The following INTS2 variants were observed in gnomAD, a reference collection of about 807,000 sequenced individuals.
INTS2 encodes integrator complex subunit 2, also known as KIAA1287.
In INTS2, 57 loss-of-function variants were observed where a neutral mutation model predicts 139.6. The ratio of observed to expected loss-of-function variants is 0.41; its 90% CI spans 0.33 to 0.51. The LOEUF is 0.51. INTS2 is among the 20% of genes least tolerant of loss of function. INTS2 has a pLI of 0.28. For missense variants in INTS2, 1,196 were observed against 1,436.7 expected (o/e 0.83, Z 2.71); for synonymous variants, 473 against 493.4 (o/e 0.96, Z 0.55).
At position 61,897,107 on chromosome 17, in the gene INTS2, T is replaced by C. The variant is rs919638097; in HGVS notation, c.1494+362A>G. 2.0e-5 allele frequency among the ~76,000 whole-genome samples: 3 copies of C among 152,164 alleles called. No individual in the cohort carries two copies. The highest frequency in any genetic ancestry group is 7.2e-5 in the African/African-American group (3 of 41,460). On this transcript the variant is annotated intron_variant, in intron 11 of 24. Coordinates refer to ENST00000251334, the MANE Select transcript of INTS2 (RefSeq NM_001351695.2). The surrounding 1 kb of genome is among the most constrained non-coding windows in gnomAD (Gnocchi z 4.4). ...AATGCAGTCATTAAAAATTATACTG[T>C]ATTATAATATTTATTGATATGAGTA...
At position 61,903,302 on chromosome 17, in the gene INTS2, C is replaced by T. The variant is rs565219465; in HGVS notation, c.1307+1158G>A. ...AACTCATAGCCTCAAGCAACCCTCC[C>T]GCCTCAGCCTCCTGAGTAGCTGGGA... On this transcript the variant is annotated intron_variant, in intron 9 of 24. Transcript: ENST00000251334. Among the ~76,000 whole-genome samples, 13 of 151,186 alleles carry T rather than the reference C, an allele frequency of 8.6e-5. No individual in the cohort carries two copies. The East Asian group carries it at 1.4e-3, about 16-fold the overall frequency.
In INTS2 at chr17:61,924,722, A is replaced by C. The variant is rs150126862; in HGVS notation, c.432+239T>G. On this transcript the variant is annotated intron_variant, in intron 3 of 24. Coordinates refer to ENST00000251334, the MANE Select transcript of INTS2 (RefSeq NM_001351695.2). ...CGGGCACCTGTAATCCCAGCTACTC[A>C]TGAAGCTGAGGCAGGAGAACCGTTT... Among the ~76,000 whole-genome samples, 1,178 of 152,178 alleles carry C rather than the reference A, an allele frequency of 7.7e-3. 24 individuals are homozygous for C. The highest frequency in any genetic ancestry group is 6.8e-3 in the Non-Finnish European group (464 of 67,984).
chr17:61,919,249 G>A, intron 5 of INTS2, 151 bp downstream of exon 5: 1 of 523,470 alleles, frequency 1.9e-6, no homozygotes, highest in Non-Finnish European at 3.5e-6. Context: ...TACAATTTGT[G>A]AACTCAATAT....
At chr17:61,916,300 A>G (rs867515157) in intron 5 of INTS2, among the ~76,000 whole-genome samples, 85 of 151,652 alleles carry the variant, frequency 5.6e-4, no homozygotes, top group African/African-American at 2.0e-3. Flanking sequence ...CAGGCATGGT[A>G]GTGGGTGCCT....
chr17:61,921,915 TTA>T (rs1319230881), intron 3 of INTS2, 88 bp from the exon 4 acceptor site: 2 of 690,996 alleles, frequency 2.9e-6, no homozygotes, highest in African/African-American at 1.8e-5. Context: ...AGCTCACAGA[TTA>T]TGTCTCTTAA....
chr17:61,903,016 T>C (rs2079423615), intron 9 of INTS2, among the ~76,000 whole-genome samples: 1 of 150,502 alleles, frequency 6.6e-6, no homozygotes, highest in African/African-American at 2.4e-5. Flanking sequence ...AATACAAAAA[T>C]TAGCCGGGCG....
Position 61,875,597 on chromosome 17 carries a change from T to C in INTS2, c.2457-559A>G, listed in dbSNP as rs959748569. On this transcript the variant is annotated intron_variant, in intron 18 of 24. Transcript: ENST00000251334. This position sits in a 1 kb window ranked among gnomAD's most constrained non-coding sequence, Gnocchi z 4.6. ...AGGGTTATGCAAATACAGAAGGTAC[T>C]TGATCTTACAGTGAAGCCCAGGAAT... Among the ~76,000 whole-genome samples, 3 of 152,168 alleles carry C rather than the reference T, an allele frequency of 2.0e-5. No individual in the cohort carries two copies. The highest frequency in any genetic ancestry group is 7.2e-5 in the African/African-American group (3 of 41,446).
chr17:61,925,297 T>C (rs192840218), intron 2 of INTS2, among the ~76,000 whole-genome samples, 198 bp from the exon 3 acceptor site: 15 of 152,172 alleles, frequency 9.9e-5, no homozygotes, highest in African/African-American at 2.4e-4. Flanking sequence ...CTCCACCACA[T>C]AGGCCAGGCA....
At chr17:61,889,356 GGATT>G (rs2079266298) in intron 15 of INTS2, among the ~76,000 whole-genome samples, 1 of 152,176 alleles carries the variant, frequency 6.6e-6, no homozygotes, top group Admixed American at 6.5e-5. Flanking sequence ...CGAAGTGCTA[GGATT>G]ACAGGCGTAA....
chr17:61,909,830 T>TAC lies in INTS2; in HGVS notation c.954+1689_954+1690insGT, dbSNP rs781421903. Among the ~76,000 whole-genome samples the TAC allele has an allele frequency of 0.032, 2,512 of 77,970 alleles. 42 individuals are homozygous for TAC. Among genetic ancestry groups the TAC allele is most frequent in the Non-Finnish European group, 0.038 (1,499 of 39,846 alleles). 51.2% of individuals were successfully genotyped at this position (77,970 alleles called of 152,430 possible). ...GTGTGTGTACATGTGTGTATGTGTGTGTGTGTGTGTGTGTGTGTGTGTGTG... is the reference window on the plus strand; with the variant it reads ...GTGTGTGTACATGTGTGTATGTGTGTACGTGTGTGTGTGTGTGTGTGTGTGTG... On this transcript the variant is annotated intron_variant, in intron 7 of 24. Coordinates refer to ENST00000251334, the MANE Select transcript of INTS2 (RefSeq NM_001351695.2). This position sits in a 1 kb window ranked among gnomAD's most constrained non-coding sequence, Gnocchi z 4.9.
intron 11 of INTS2, among the ~76,000 whole-genome samples, chr17:61,896,944 T>C (rs2079355611): frequency 6.6e-6 from 1 of 152,130 alleles, no homozygotes; most frequent in Non-Finnish European, 1.5e-5. Flanking sequence ...AACAGGTGTA[T>C]GAAGAGATAC....
chr17:61,914,793 G>A (rs1310105389), intron 5 of INTS2, among the ~76,000 whole-genome samples: 4 of 151,032 alleles, frequency 2.6e-5, no homozygotes, highest in Non-Finnish European at 4.4e-5. Flanking sequence ...AGGATCACTC[G>A]AGCCTGGGAG....
chr17:61,904,948 T>C, intron 8 of INTS2, among the ~76,000 whole-genome samples: 1 of 66,162 alleles, frequency 1.5e-5, no homozygotes, highest in African/African-American at 6.4e-5. Flanking sequence ...AATGCATAAT[T>C]TTTTTTTTTT....
At position 61,926,342 on chromosome 17, in the gene INTS2, A is replaced by T; in HGVS notation, c.293+10T>A. 1.3e-6 allele frequency: 2 copies of T among 1,571,902 alleles called. No individual in the cohort carries two copies. The highest frequency in any genetic ancestry group is 1.7e-6 in the Non-Finnish European group (2 of 1,154,894). ...AATCCAAATCCACATATAATATAAC[A>T]TAACATTACCTAAGCTGCTGTTCTT... On this transcript the variant is annotated intron_variant, in intron 2 of 24. Transcript: ENST00000251334.
chr17:61,896,827 C>A (rs2079354786), intron 11 of INTS2, among the ~76,000 whole-genome samples: 1 of 152,268 alleles, frequency 6.6e-6, no homozygotes, highest in African/African-American at 2.4e-5. Flanking sequence ...TAAACTGATA[C>A]AATCTTTCGA....
Position 61,869,964 on chromosome 17 carries a change from A to G in INTS2, c.2803T>C (p.Leu935=). The change falls in exon 21 of 25, where the codon TTA becomes CTA. Residue 935 remains leucine (L), a synonymous_variant. Coordinates refer to ENST00000251334, the MANE Select transcript of INTS2 (RefSeq NM_001351695.2). This position sits in a 1 kb window ranked among gnomAD's most constrained non-coding sequence, Gnocchi z 5.4. ...TCTTCAGTAGGTAGGCAAATCTCTA[A>G]GAGAATCTGGACAGCTGCACTATCC... The part of the protein sequence containing the change: ...AQDSAAVQIL[L]EICLPTEEEK... 6.2e-7 allele frequency: 1 copy of G among 1,613,680 alleles called. No homozygotes were observed. Among genetic ancestry groups the G allele is most frequent in the Middle Eastern group, 1.7e-4 (1 of 5,998 alleles).
chr17:61,907,731 T>C lies in INTS2; in HGVS notation c.955-97A>G, dbSNP rs374835835. ...AGCACCCCACTTAAACACTTTCAAA[T>C]TGGCCTATTTGAAGAGATTGTCGTG... On this transcript the variant is annotated intron_variant, in intron 7 of 24. Coordinates refer to ENST00000251334, the MANE Select transcript of INTS2 (RefSeq NM_001351695.2). The C allele has an allele frequency of 1.5e-5, 14 of 917,192 alleles. No homozygotes were observed. In the African/African-American group the frequency reaches 1.7e-4, roughly 11 times the overall value. The allele number at this position is 917,192 out of a possible 1,614,324, so 56.8% of individuals were successfully genotyped here. A position where few individuals can be genotyped will look rare whatever the true frequency, so the allele number is the denominator to read the frequency against.
At chr17:61,901,392 C>A (rs2079403244) in intron 9 of INTS2, among the ~76,000 whole-genome samples, 1 of 151,122 alleles carries the variant, frequency 6.6e-6, no homozygotes, top group South Asian at 2.1e-4. Flanking sequence ...AGAAAAGAAG[C>A]AATACAAATA....
intron 2 of INTS2, among the ~76,000 whole-genome samples, chr17:61,925,983 G>A (rs776218156): frequency 7.9e-5 from 12 of 151,756 alleles, no homozygotes; most frequent in Admixed American, 1.3e-4. Context: ...CCAAGATCAC[G>A]CCATTGCACT....
Sources: gnomAD v4.1 joint callset for allele counts (sites outside exome capture counted in the v4.1 genomes callset) on GRCh38, gnomAD v4.1.1 for gene constraint, Gnocchi (gnomAD v3.1) non-coding constraint, MANE v1.5 for transcripts, NCBI Gene and HGNC (gene_info 2026-07-23, HGNC 2026-07-21) for gene names.